GALNT11: variants seen among roughly 807,000 people sequenced by gnomAD.
The protein encoded by GALNT11 is UDP-GalNAc:polypeptide N-acetylgalactosaminyltransferase 11.
Under a neutral mutation model 72.7 loss-of-function variants are expected in GALNT11, and 47 were observed. That is an observed-to-expected ratio of 0.65 (90% CI 0.51 to 0.82). The LOEUF (loss-of-function observed/expected upper bound fraction) is 0.82, where lower values mean the gene tolerates loss of function less well. Among genes scored for constraint, GALNT11 ranks in the 40% least tolerant of loss-of-function variants. The probability of loss-of-function intolerance (pLI) is 0.00; values close to 1 mark genes in which losing one functional copy is unlikely to be tolerated. For synonymous variants in GALNT11, 270 were observed against 286.6 expected (o/e 0.94, Z 0.58); for missense variants, 677 against 778.4 (o/e 0.87, Z 1.55).
At chr7:152,089,604 A>G (rs2085878421) in intron 1 of GALNT11, among the ~76,000 whole-genome samples, 1 of 152,214 alleles carries the variant, frequency 6.6e-6, no homozygotes, top group African/African-American at 2.4e-5. Context: ...ACAAAGGAAA[A>G]GAGGAAGTTG....
At chr7:152,089,745 A>AT (rs2085889903) in intron 1 of GALNT11, among the ~76,000 whole-genome samples, 1 of 152,250 alleles carries the variant, frequency 6.6e-6, no homozygotes, top group Non-Finnish European at 1.5e-5. Context: ...TTTAACAGCT[A>AT]CATAGGATAG....
intron 7 of GALNT11, among the ~76,000 whole-genome samples, chr7:152,110,975 G>T (rs1194958862): frequency 6.6e-6 from 1 of 151,774 alleles, no homozygotes; most frequent in Non-Finnish European, 1.5e-5. Context: ...TCCTGCCTCG[G>T]CCTCCCAGAG....
intron 9 of GALNT11, 84 bp downstream of exon 9, chr7:152,117,459 A>G: frequency 7.8e-7 from 1 of 1,282,350 alleles, no homozygotes; most frequent in Non-Finnish European, 1.1e-6. Flanking sequence ...ATGACAGGTG[A>G]CACTGTGGAC....
intron 1 of GALNT11, among the ~76,000 whole-genome samples, chr7:152,047,749 G>GATTGGTTGCTGATGCCT (rs2083208841): frequency 2.0e-5 from 3 of 150,664 alleles, no homozygotes; most frequent in African/African-American, 7.5e-5. Context: ...ATATAAATAA[G>GATTGGTTGCTGATGCCT]TAAATAAATA....
At chr7:152,038,718 C>T (rs2082705784) in intron 1 of GALNT11, among the ~76,000 whole-genome samples, 1 of 152,172 alleles carries the variant, frequency 6.6e-6, no homozygotes, top group Admixed American at 6.5e-5. Flanking sequence ...TACACAAAGA[C>T]AACACAGATT....
intron 1 of GALNT11, among the ~76,000 whole-genome samples, chr7:152,055,520 C>CGTGTGT (rs3031460): frequency 1.5e-3 from 201 of 136,510 alleles, no homozygotes; most frequent in Middle Eastern, 3.8e-3. Context: ...ATATATAAAG[C>CGTGTGT]GTGTGTGTGT....
intron 8 of GALNT11, among the ~76,000 whole-genome samples, chr7:152,114,982 G>A (rs1374310623): frequency 2.0e-5 from 3 of 152,190 alleles, no homozygotes; most frequent in Non-Finnish European, 4.4e-5. Flanking sequence ...CATGTAGCTT[G>A]TGCTGGAATG....
chr7:152,082,171 T>C (rs1342756094), intron 1 of GALNT11, among the ~76,000 whole-genome samples: 1 of 152,242 alleles, frequency 6.6e-6, no homozygotes, highest in Non-Finnish European at 1.5e-5. Context: ...TGAACCTGCA[T>C]AGAAGGTATA....
chr7:152,030,221 CG>C, intron 1 of GALNT11, among the ~76,000 whole-genome samples: 1 of 152,222 alleles, frequency 6.6e-6, no homozygotes, highest in Non-Finnish European at 1.5e-5. Flanking sequence ...TGCTAAGTAG[CG>C]GGTGTTTTTC....
intron 1 of GALNT11, among the ~76,000 whole-genome samples, chr7:152,063,063 T>C (rs947663382): frequency 7.9e-5 from 12 of 152,236 alleles, no homozygotes; most frequent in African/African-American, 2.9e-4. Flanking sequence ...CTTGTACTTC[T>C]GGTAGAATTC....
At chr7:152,108,668 T>G (rs1490497458) in intron 6 of GALNT11, among the ~76,000 whole-genome samples, 1 of 152,218 alleles carries the variant, frequency 6.6e-6, no homozygotes, top group African/African-American at 2.4e-5. Flanking sequence ...GTGAAAAACA[T>G]TAATACGTAA....
chr7:152,108,332 TAAAAG>T lies in GALNT11; in HGVS notation c.962+47_962+51del, dbSNP rs749148717. The T allele has an allele frequency of 2.3e-5, 36 of 1,567,386 alleles. No individual in the cohort carries two copies. The African/African-American group carries it at 3.7e-4, about 16-fold the overall frequency. On this transcript the variant is annotated intron_variant, in intron 6 of 11. Coordinates refer to ENST00000430044, the MANE Select transcript of GALNT11 (RefSeq NM_022087.4). ...TGACAAATTCCTACCAGTGCTTCCT[TAAAAG>T]AGAACAAAATGATATTAAAGATAAT...
chr7:152,072,897 A>G (rs557535969), intron 1 of GALNT11, among the ~76,000 whole-genome samples: 18 of 152,320 alleles, frequency 1.2e-4, no homozygotes, highest in Non-Finnish European at 2.1e-4. Context: ...GCAGAGAGTA[A>G]ACATCGCCTT....
chr7:152,064,804 G>A (rs532781624), intron 1 of GALNT11, among the ~76,000 whole-genome samples: 1 of 152,338 alleles, frequency 6.6e-6, no homozygotes, highest in East Asian at 1.9e-4. Flanking sequence ...GGCTTGTAGA[G>A]TTTCTGCTGA....
intron 1 of GALNT11, among the ~76,000 whole-genome samples, chr7:152,059,135 A>G (rs1316562711): frequency 6.6e-6 from 1 of 152,144 alleles, no homozygotes; most frequent in Admixed American, 6.6e-5. Flanking sequence ...TTGCTTTGTC[A>G]CCCAGGCTGG....
intron 1 of GALNT11, among the ~76,000 whole-genome samples, chr7:152,086,035 G>A (rs1203481919): frequency 6.6e-6 from 1 of 151,916 alleles, no homozygotes; most frequent in Non-Finnish European, 1.5e-5. Flanking sequence ...TTAGAGGCAC[G>A]TGCCACCATG....
intron 1 of GALNT11, among the ~76,000 whole-genome samples, chr7:152,058,917 T>C (rs964357549): frequency 2.6e-5 from 4 of 152,230 alleles, no homozygotes; most frequent in African/African-American, 4.8e-5. Context: ...TTTCTAATTC[T>C]GGTTCTCTTG....
chr7:152,091,402 C>T (rs569736618), intron 1 of GALNT11, among the ~76,000 whole-genome samples: 5 of 151,972 alleles, frequency 3.3e-5, no homozygotes, highest in Non-Finnish European at 5.9e-5. Context: ...CGCCACGTCC[C>T]GCTAATTTTT....
At chr7:152,041,559 C>T (rs1039183877) in intron 1 of GALNT11, among the ~76,000 whole-genome samples, 2 of 152,204 alleles carry the variant, frequency 1.3e-5, no homozygotes, top group African/African-American at 4.8e-5. Context: ...TGGACAGTAA[C>T]ACCAGTAGGT....
Sources: gnomAD v4.1 joint callset for allele counts (sites outside exome capture counted in the v4.1 genomes callset) on GRCh38, gnomAD v4.1.1 for gene constraint, MANE v1.5 for transcripts, NCBI Gene and HGNC (gene_info 2026-07-23, HGNC 2026-07-21) for gene names.